Variants in MDN1 observed in about 807,000 individuals in gnomAD.
MDN1 encodes the protein midasin AAA ATPase 1.
A neutral mutation model predicts 669.2 loss-of-function variants in MDN1; 266 were observed. That is an observed-to-expected ratio of 0.40 (90% CI 0.36 to 0.44). MDN1 has a LOEUF of 0.44. Ranked by LOEUF, MDN1 falls within the 20% of genes least tolerant of loss-of-function variation. MDN1 has a pLI of 1.00. For missense variants in MDN1, 5,940 were observed against 6,754.0 expected, an observed-to-expected ratio of 0.88 and a Z score of 4.22; for synonymous variants, 2,385 against 2,457.1, an observed-to-expected ratio of 0.97 and a Z score of 0.87.
Position 89,732,711 on chromosome 6 carries a change from T to C in MDN1, c.4788A>G (p.Arg1596=). 2 of 1,613,972 alleles carry C rather than the reference T, an allele frequency of 1.2e-6. No individual in the cohort carries two copies. The highest frequency in any genetic ancestry group is 1.7e-6 in the Non-Finnish European group (2 of 1,179,978). ...TATCTCTGATACTGACCACACACTT[T>C]CTGCCAAACTCTTGGTGGGTCAGCC... ...IDWLTHQEFG[R]KCVVSIRDIL... The change falls in exon 34 of 102, where the codon AGA becomes AGG. Residue 1596 remains arginine (R), a synonymous_variant. Coordinates refer to ENST00000369393, the MANE Select transcript of MDN1 (RefSeq NM_014611.3).
intron 40 of MDN1, among the ~76,000 whole-genome samples, chr6:89,722,209 T>C (rs1014855176): frequency 6.6e-5 from 10 of 152,270 alleles, no homozygotes; most frequent in Non-Finnish European, 1.5e-5. Context: ...GGTATTTTTA[T>C]TTTCACTTAA....
chr6:89,723,365 T>C (rs1326305088), intron 39 of MDN1, 147 bp downstream of exon 39: 10 of 663,824 alleles, frequency 1.5e-5, no homozygotes, highest in Non-Finnish European at 2.5e-5. Flanking sequence ...CTCCACTACA[T>C]AGTGTCCCTT....
At chr6:89,738,516 A>G in intron 32 of MDN1, 61 bp from the exon 33 acceptor site, 1 of 1,581,674 alleles carries the variant, frequency 6.3e-7, no homozygotes, top group Admixed American at 1.7e-5. Context: ...CTGGAAAACA[A>G]GTCTTGAAAG....
At chr6:89,727,789 A>C in intron 37 of MDN1, 44 bp downstream of exon 37, 1 of 1,613,342 alleles carries the variant, frequency 6.2e-7, no homozygotes. Flanking sequence ...ACTGCTCCTC[A>C]CACACATGAT....
At chr6:89,789,965 C>T in intron 6 of MDN1, 54 bp from the exon 7 acceptor site, 1 of 1,596,480 alleles carries the variant, frequency 6.3e-7, no homozygotes, top group Non-Finnish European at 8.5e-7. Flanking sequence ...AGTGGCAATG[C>T]TACATCCTTT....
rs1307137280 is a variant in MDN1, at chr6:89,718,449, G to A, written c.6500C>T (p.Thr2167Met). 44 of 1,613,964 alleles carry A rather than the reference G, an allele frequency of 2.7e-5. No homozygotes were observed. Among genetic ancestry groups the A allele is most frequent in the African/African-American group, 8.0e-5 (6 of 74,900 alleles). ...TTCTAGTTTGTTGACAATCTCCATC[G>A]TGATAGCTTTACCACCTTCTCCAAG... is the stretch of plus-strand genomic sequence containing the variant. Reference protein sequence around the residue: ...KCLGEGGKAITMEIVNKLEAV... With the variant: ...KCLGEGGKAIMMEIVNKLEAV... Residue 2167 changes from threonine (T) to methionine (M), a missense_variant, in exon 43 of 102, where the codon ACG becomes ATG. Coordinates refer to ENST00000369393, the MANE Select transcript of MDN1 (RefSeq NM_014611.3).
chr6:89,803,693 T>C, intron 1 of MDN1, 139 bp from the exon 2 acceptor site: 1 of 656,318 alleles, frequency 1.5e-6, no homozygotes, highest in Admixed American at 2.9e-5. Context: ...GCCATTCTCC[T>C]GCCCGAGCCG....
Position 89,658,920 on chromosome 6 carries a change from G to A in MDN1, c.14714-3C>T. 2 of 1,585,554 alleles carry A rather than the reference G, an allele frequency of 1.3e-6. No individual in the cohort carries two copies. Among genetic ancestry groups the A allele is most frequent in the Non-Finnish European group, 8.6e-7 (1 of 1,167,494 alleles). On this transcript the variant is annotated splice_region_variant and splice_polypyrimidine_tract_variant and intron_variant, in intron 88 of 101. Transcript: ENST00000369393. ...TTTTATCTCCAAAGGATTCTCTTCT[G>A]TATAGATACAACAAAAAGGAGGAGT...
chr6:89,783,424 C>A (rs374509942), intron 9 of MDN1, among the ~76,000 whole-genome samples: 1 of 152,098 alleles, frequency 6.6e-6, no homozygotes, highest in Non-Finnish European at 1.5e-5. Flanking sequence ...GTGGTCAGAC[C>A]GGTCTGTTGT....
At chr6:89,777,961 C>A (rs1359576319) in intron 11 of MDN1, among the ~76,000 whole-genome samples, 2 of 152,120 alleles carry the variant, frequency 1.3e-5, no homozygotes, top group African/African-American at 4.8e-5. Flanking sequence ...ATTAAGCTCT[C>A]TTGAAGACTG....
chr6:89,754,694 T>C (rs1257399526), intron 20 of MDN1, among the ~76,000 whole-genome samples: 3 of 150,676 alleles, frequency 2.0e-5, no homozygotes, highest in Non-Finnish European at 3.0e-5. Context: ...GCCATTACTA[T>C]TGTCACTACC....
At position 89,658,706 on chromosome 6, in the gene MDN1, G is replaced by T. The variant is rs766125611; in HGVS notation, c.14925C>A (p.His4975Gln). ...DGDAAQHPEE[H>Q]SEEQQQSVEE... ...CCACAGACTGCTGCTGCTCCTCAGA[G>T]TGTTCTTCAGGATGCTGAGCAGCAT... The change falls in exon 89 of 102, where the codon CAC becomes CAA. Residue 4975 changes from histidine (H) to glutamine (Q), a missense_variant. His to Gln is a conservative substitution (Grantham distance 24). This residue lies in a region of MDN1 where 2,280 missense variants were observed against 2,576.3 expected (regional missense o/e 0.88). Coordinates refer to ENST00000369393, the MANE Select transcript of MDN1 (RefSeq NM_014611.3). The T allele has an allele frequency of 6.2e-7, 1 of 1,614,178 alleles. No homozygotes were observed. The highest frequency in any genetic ancestry group is 1.7e-5 in the Admixed American group (1 of 60,024).
intron 22 of MDN1, 144 bp downstream of exon 22, chr6:89,753,368 A>G (rs139635877): frequency 4.9e-5 from 30 of 607,152 alleles, no homozygotes; most frequent in African/African-American, 4.6e-4. Flanking sequence ...CCATCTAAAC[A>G]TATGTTTCTG....
chr6:89,771,468 C>T (rs1818073519), intron 15 of MDN1, 93 bp downstream of exon 15: 3 of 1,136,164 alleles, frequency 2.6e-6, no homozygotes, highest in Non-Finnish European at 3.9e-6. Context: ...ATCGAGCATC[C>T]TAGAACCTGT....
intron 76 of MDN1, among the ~76,000 whole-genome samples, chr6:89,676,735 A>G: frequency 6.6e-6 from 1 of 152,194 alleles, no homozygotes; most frequent in East Asian, 1.9e-4. Flanking sequence ...TCCCCTTTCT[A>G]CAATGTTCTG....
At chr6:89,758,412 C>T in intron 18 of MDN1, 61 bp from the exon 19 acceptor site, 1 of 1,375,526 alleles carries the variant, frequency 7.3e-7, no homozygotes, top group Non-Finnish European at 1.0e-6. Flanking sequence ...CACAGAACCC[C>T]AGGCCCAGCC....
chr6:89,720,269 A>G (rs1176869426), intron 40 of MDN1, among the ~76,000 whole-genome samples: 1 of 151,876 alleles, frequency 6.6e-6, no homozygotes, highest in African/African-American at 2.4e-5. Context: ...CTGATGTTCT[A>G]CCAGAGGGTT....
rs746035650 is a variant in MDN1, at chr6:89,745,634, GAGGAGGAGGAAA to G, written c.3905-20_3905-9del. ...CTGCCAGAAGCATATAACCTGGGAG[GAGGAGGAGGAAA>G]AGGAGGAGAGGAATCATCAAGTGTC... On this transcript the variant is annotated splice_polypyrimidine_tract_variant and intron_variant, in intron 27 of 101. Transcript: ENST00000369393. 6.2e-7 allele frequency: 1 copy of G among 1,612,468 alleles called. No homozygotes were observed. Among genetic ancestry groups the G allele is most frequent in the South Asian group, 1.1e-5 (1 of 90,648 alleles).
intron 33 of MDN1, among the ~76,000 whole-genome samples, chr6:89,737,237 A>C (rs1309478959): frequency 6.6e-6 from 1 of 152,196 alleles, no homozygotes; most frequent in East Asian, 1.9e-4. Context: ...ATGACTAAAG[A>C]ATCAGTCGTC....
Sources: gnomAD v4.1 joint callset for allele counts (sites outside exome capture counted in the v4.1 genomes callset) on GRCh38, gnomAD v4.1.1 for gene constraint, gnomAD v4.1.1 regional missense constraint, MANE v1.5 for transcripts, NCBI Gene and HGNC (gene_info 2026-07-23, HGNC 2026-07-21) for gene names.